The following CEP290 variants were observed in gnomAD, a reference collection of about 807,000 sequenced individuals.
The protein encoded by CEP290 is centrosomal protein of 290 kDa.
CEP290 carries 317 observed loss-of-function variants against 344.9 expected under a neutral mutation model. The observed-to-expected ratio is 0.92, with a 90% CI of 0.84 to 1.01. The LOEUF (loss-of-function observed/expected upper bound fraction) is 1.01. Among genes scored for constraint, CEP290 ranks in the 50% least tolerant of loss-of-function variants. The pLI, the probability that CEP290 is intolerant of heterozygous loss-of-function variation, is 0.00. For synonymous variants in CEP290, 932 were observed against 895.8 expected, an observed-to-expected ratio of 1.04 and a Z score of -0.72; for missense variants, 2,754 against 2,761.4, an observed-to-expected ratio of 1.00 and a Z score of 0.06.
chr12:88,064,708 C>A (rs1210659782), intron 44 of CEP290, among the ~76,000 whole-genome samples: 1 of 151,970 alleles, frequency 6.6e-6, no homozygotes, highest in African/African-American at 2.4e-5. Context: ...CATTTATAAG[C>A]CAAGGAGAGA....
At chr12:88,115,660 G>C (rs1274374171) in intron 18 of CEP290, 3 of 993,506 alleles carry the variant, frequency 3.0e-6, no homozygotes, top group South Asian at 1.6e-5. Flanking sequence ...GTGTATAACT[G>C]ATGTTAAAGT....
chr12:88,071,963 T>G (rs190893202), intron 41 of CEP290, 37 bp from the exon 42 acceptor site: 32 of 1,505,640 alleles, frequency 2.1e-5, no homozygotes, highest in Admixed American at 1.2e-4. Flanking sequence ...AAATTACCAG[T>G]GTTATTTTAA....
chr12:88,067,371 T>C, intron 44 of CEP290, among the ~76,000 whole-genome samples: 2 of 152,314 alleles, frequency 1.3e-5, no homozygotes, highest in South Asian at 4.1e-4. Flanking sequence ...CGTAAGCTAC[T>C]TACTATAAGA....
chr12:88,059,072 A>T, intron 48 of CEP290, 52 bp from the exon 49 acceptor site: 1 of 1,402,034 alleles, frequency 7.1e-7, no homozygotes, highest in South Asian at 1.4e-5. Context: ...TACTGTTCTC[A>T]TAGATTCAGT....
chr12:88,077,241 A>C lies in CEP290; in HGVS notation c.5690T>G (p.Leu1897Arg). 6.2e-7 allele frequency: 1 copy of C among 1,604,464 alleles called. No homozygotes were observed. Among genetic ancestry groups the C allele is most frequent in the African/African-American group, 1.3e-5 (1 of 74,564 alleles). Residue 1897 changes from leucine (L) to arginine (R), a missense_variant, in exon 41 of 54, where the codon CTA (leucine) becomes CGA (arginine). Coordinates refer to ENST00000552810, the MANE Select transcript of CEP290 (RefSeq NM_025114.4). ...QLEGKVEEVDLKPMKEKNAKE... is the reference protein window; with the variant it reads ...QLEGKVEEVDRKPMKEKNAKE... Reference sequence around the variant, plus strand: ...ACATACCTTTTCTTTCATAGGTTTTAGGTCTACTTCCTCCACCTTTCCCTC... The same window carrying C: ...ACATACCTTTTCTTTCATAGGTTTTCGGTCTACTTCCTCCACCTTTCCCTC...
intron 29 of CEP290, among the ~76,000 whole-genome samples, chr12:88,091,318 T>C (rs2037022230): frequency 6.6e-6 from 1 of 151,920 alleles, no homozygotes; most frequent in African/African-American, 2.4e-5. Context: ...GATCCTTAGA[T>C]GGATTAATGC....
intron 11 of CEP290, among the ~76,000 whole-genome samples, chr12:88,126,766 T>C (rs1488691162): frequency 6.6e-6 from 1 of 152,104 alleles, no homozygotes; most frequent in Non-Finnish European, 1.5e-5. Flanking sequence ...TTGATCTTTA[T>C]GAAGTATGCA....
At position 88,054,321 on chromosome 12, in the gene CEP290, A is replaced by C; in HGVS notation, c.7034+19T>G. On this transcript the variant is annotated intron_variant, in intron 51 of 53. Transcript: ENST00000552810. The stretch of plus-strand genomic sequence containing the variant: ...TTTTAAAGAAAAAAACAAAGTAGTC[A>C]TATGAATACATGATGTACCTAAGAA... The C allele has an allele frequency of 1.3e-6, 2 of 1,531,212 alleles. No homozygotes were observed. Among genetic ancestry groups the C allele is most frequent in the South Asian group, 1.2e-5 (1 of 82,314 alleles). 94.9% of individuals were successfully genotyped at this position (1,531,212 alleles called of 1,614,324 possible). A position where few individuals can be genotyped will look rare whatever the true frequency, so the allele number is the denominator to read the frequency against.
intron 44 of CEP290, 111 bp downstream of exon 44, chr12:88,068,411 T>C (rs2035102541): frequency 1.5e-6 from 1 of 656,678 alleles, no homozygotes; most frequent in South Asian, 3.4e-5. Flanking sequence ...ACTGTATTAC[T>C]ATTAATGAGA....
chr12:88,063,359 CAA>C lies in CEP290; in HGVS notation c.6271-583_6271-582del, dbSNP rs2034633668. ...ATAAATAGGGTAAGACTTGGAAAAC[CAA>C]AGATTAAAAAATCATTATTAATATC... On this transcript the variant is annotated intron_variant, in intron 45 of 53. Coordinates refer to ENST00000552810, the MANE Select transcript of CEP290 (RefSeq NM_025114.4). Among the ~76,000 whole-genome samples the C allele has an allele frequency of 9.2e-5, 14 of 151,714 alleles. No homozygotes were observed. In the South Asian group the frequency reaches 2.9e-3, roughly 32 times the overall value.
Position 88,125,233 on chromosome 12 carries a change from T to C in CEP290, c.1189+13A>G, listed in dbSNP as rs2039658519. ...TAATTGTATATAAAATAACTATATATTTATAAAAATACCTTTGTTTCTTTG... is the reference window on the plus strand; with the variant it reads ...TAATTGTATATAAAATAACTATATACTTATAAAAATACCTTTGTTTCTTTG... On this transcript the variant is annotated intron_variant, in intron 13 of 53. Coordinates refer to ENST00000552810, the MANE Select transcript of CEP290 (RefSeq NM_025114.4). 3 of 708,806 alleles carry C rather than the reference T, an allele frequency of 4.2e-6. No individual in the cohort carries two copies. Among genetic ancestry groups the C allele is most frequent in the Non-Finnish European group, 4.2e-6 (2 of 472,456 alleles). The allele number at this position is 708,806 out of a possible 1,614,324, so 43.9% of individuals were successfully genotyped here.
Position 88,090,777 on chromosome 12 carries a change from G to T in CEP290, c.3524C>A (p.Ser1175Tyr), listed in dbSNP as rs1225822652. The T allele has an allele frequency of 1.9e-6, 3 of 1,563,302 alleles. No homozygotes were observed. Among genetic ancestry groups the T allele is most frequent in the Non-Finnish European group, 2.6e-6 (3 of 1,151,744 alleles). Residue 1175 changes from serine to tyrosine, a missense_variant, in exon 30 of 54, where the codon TCT (serine) becomes TAT (tyrosine). Transcript: ENST00000552810. Reference sequence around the variant, plus strand: ...GAGGGACTCTACTTCCTTGTCCCTAGATTGTTGTTGTGCATTCAAAATTTC... The same window carrying T: ...GAGGGACTCTACTTCCTTGTCCCTATATTGTTGTTGTGCATTCAAAATTTC... ...QVEILNAQQQ[S>Y]RDKEVESLRM...
intron 32 of CEP290, among the ~76,000 whole-genome samples, 169 bp from the exon 33 acceptor site, chr12:88,086,667 A>G (rs1255309202): frequency 6.6e-6 from 1 of 152,080 alleles, no homozygotes; most frequent in Non-Finnish European, 1.5e-5. Context: ...AACTTGTGTA[A>G]GATCACAAAG....
intron 21 of CEP290, 51 bp from the exon 22 acceptor site, chr12:88,111,402 A>G: frequency 6.7e-7 from 1 of 1,495,396 alleles, no homozygotes; most frequent in Non-Finnish European, 8.9e-7. Context: ...ACCCAAAGAA[A>G]GACAAATTGA....
chr12:88,093,188 TACTC>T (rs1214259617), intron 28 of CEP290, among the ~76,000 whole-genome samples: 1 of 152,126 alleles, frequency 6.6e-6, no homozygotes, highest in Non-Finnish European at 1.5e-5. Context: ...AATAAAATCT[TACTC>T]ATATAGATTT....
chr12:88,110,538 C>A (rs986909678), intron 22 of CEP290, among the ~76,000 whole-genome samples: 7 of 151,838 alleles, frequency 4.6e-5, no homozygotes, highest in Non-Finnish European at 7.4e-5. Flanking sequence ...TGACGACACA[C>A]CATCTCTACT....
At chr12:88,063,473 C>A (rs1018878954) in intron 45 of CEP290, among the ~76,000 whole-genome samples, 2 of 151,968 alleles carry the variant, frequency 1.3e-5, no homozygotes, top group Non-Finnish European at 2.9e-5. Flanking sequence ...ACGCATCCTC[C>A]CACCTTAGGA....
In CEP290 at chr12:88,089,246, C is replaced by T. The variant is rs775753103; in HGVS notation, c.3815G>A (p.Arg1272Gln). Residue 1272 changes from arginine to glutamine, a missense_variant, in exon 31 of 54, where the codon CGA becomes CAA. Transcript: ENST00000552810. ...HLRQTIQSLR[R>Q]QFSGALPLAQ... ...CAAGGGTAAAGCTCCACTAAACTGT[C>T]GTCGTAGAGACTGAATTGTTTGGCG... 2.2e-5 allele frequency: 36 copies of T among 1,613,766 alleles called. No homozygotes were observed. The highest frequency in any genetic ancestry group is 8.8e-5 in the South Asian group (8 of 91,078).
rs1182279528 is a variant in CEP290 at position 88,072,045 on chromosome 12, AAATATG to A, written c.5710-125_5710-120del. On this transcript the variant is annotated intron_variant, in intron 41 of 53. Transcript: ENST00000552810. ...AACTAATATTTCCTAGAGAATATGT[AAATATG>A]TTCATTTTGCTATACAGGTTGAGTA... The A allele has an allele frequency of 6.4e-6, 6 of 936,886 alleles. No individual in the cohort carries two copies. In the Admixed American group the frequency reaches 2.2e-4, roughly 34 times the overall value. 58.0% of individuals were successfully genotyped at this position (936,886 alleles called of 1,614,324 possible).
Sources: gnomAD v4.1 joint callset for allele counts (sites outside exome capture counted in the v4.1 genomes callset) on GRCh38, gnomAD v4.1.1 for gene constraint, MANE v1.5 for transcripts, NCBI Gene and HGNC (gene_info 2026-07-23, HGNC 2026-07-21) for gene names.